Variants in HPSE2 observed in about 807,000 individuals in gnomAD.
HPSE2 encodes heparanase 2 (inactive).
In HPSE2, 38 loss-of-function variants were observed where a neutral mutation model predicts 60.5. The ratio of observed to expected loss-of-function variants is 0.63; its 90% CI spans 0.48 to 0.82. HPSE2 has a LOEUF of 0.82. Among genes scored for constraint, HPSE2 ranks in the 40% least tolerant of loss-of-function variants. The pLI, the probability that HPSE2 is intolerant of heterozygous loss-of-function variation, is 0.00. For synonymous variants in HPSE2, 295 were observed against 293.2 expected (o/e 1.01, Z -0.06); for missense variants, 713 against 740.4 (o/e 0.96, Z 0.43).
At chr10:99,053,123 A>C (rs1958028297) in intron 3 of HPSE2, among the ~76,000 whole-genome samples, 1 of 151,924 alleles carries the variant, frequency 6.6e-6, no homozygotes, top group African/African-American at 2.4e-5. Flanking sequence ...TTTATAATTT[A>C]TTTTTACCAC....
At chr10:98,516,460 G>A (rs540145025) in intron 9 of HPSE2, among the ~76,000 whole-genome samples, 1 of 152,174 alleles carries the variant, frequency 6.6e-6, no homozygotes, top group Non-Finnish European at 1.5e-5. Flanking sequence ...AAAAGTGCCT[G>A]ATGAAATGGG....
the HPSE2 span, among the ~76,000 whole-genome samples, chr10:99,268,551 C>A: frequency 6.7e-6 from 1 of 149,812 alleles, no homozygotes; most frequent in Non-Finnish European, 1.5e-5. Flanking sequence ...GAGGCTGAGG[C>A]AGAAGAATCA....
the HPSE2 span, among the ~76,000 whole-genome samples, chr10:99,305,979 G>GCGCGCGCGCACA: frequency 2.1e-4 from 17 of 80,582 alleles, no homozygotes; most frequent in South Asian, 5.8e-4. Flanking sequence ...GCGCGCGCGC[G>GCGCGCGCGCACA]CACACACACA....
chr10:99,158,369 A>C (rs1184033182), intron 2 of HPSE2, among the ~76,000 whole-genome samples: 2 of 108,006 alleles, frequency 1.9e-5, no homozygotes, highest in East Asian at 5.6e-4. Flanking sequence ...TCCAACAATG[A>C]TAGACTGGAT....
intron 11 of HPSE2, among the ~76,000 whole-genome samples, chr10:98,465,267 G>T (rs972634559): frequency 1.3e-5 from 2 of 152,120 alleles, no homozygotes; most frequent in African/African-American, 2.4e-5. Flanking sequence ...TATGCAAAAG[G>T]CACTATGCTA....
chr10:98,541,623 C>A (rs1187617118), intron 9 of HPSE2, among the ~76,000 whole-genome samples: 2 of 152,168 alleles, frequency 1.3e-5, no homozygotes, highest in Admixed American at 6.5e-5. Flanking sequence ...CCGAATACTG[C>A]GCTTTTCTGA....
chr10:98,740,254 C>T (rs1949464705), intron 4 of HPSE2, among the ~76,000 whole-genome samples: 1 of 151,192 alleles, frequency 6.6e-6, no homozygotes, highest in African/African-American at 2.4e-5. Flanking sequence ...TGGCTCACTG[C>T]AGCCTCAACC....
At position 98,724,539 on chromosome 10, in the gene HPSE2, T is replaced by C. The variant is rs575181131; in HGVS notation, c.785-2711A>G. Among the ~76,000 whole-genome samples the C allele has an allele frequency of 1.4e-4, 21 of 152,278 alleles. No individual in the cohort carries two copies. The South Asian group carries it at 3.9e-3, about 29-fold the overall frequency. Reference sequence around the variant, plus strand: ...TATCCTTGTTAACTTTCTGTCTTCGTTGATCTGTCTAATGTTGACAGTGGG... The same window carrying C: ...TATCCTTGTTAACTTTCTGTCTTCGCTGATCTGTCTAATGTTGACAGTGGG... On this transcript the variant is annotated intron_variant, in intron 4 of 11. Coordinates refer to ENST00000370552, the MANE Select transcript of HPSE2 (RefSeq NM_021828.5).
chr10:99,183,964 C>T (rs1014803578), intron 2 of HPSE2, among the ~76,000 whole-genome samples: 5 of 152,156 alleles, frequency 3.3e-5, no homozygotes, highest in African/African-American at 4.8e-5. Flanking sequence ...TTTTTTACCA[C>T]TCTAACAAAT....
At chr10:98,898,123 T>C (rs1953549181) in intron 3 of HPSE2, among the ~76,000 whole-genome samples, 1 of 152,064 alleles carries the variant, frequency 6.6e-6, no homozygotes, top group South Asian at 2.1e-4. Context: ...CATTAAGGTA[T>C]TGCAAATCAA....
intron 3 of HPSE2, among the ~76,000 whole-genome samples, chr10:98,788,568 C>T (rs945091720): frequency 6.6e-6 from 1 of 151,972 alleles, no homozygotes; most frequent in African/African-American, 2.4e-5. Flanking sequence ...GCAGTTTGAT[C>T]TCAGACTGCT....
chr10:99,027,442 C>T (rs908938522), intron 3 of HPSE2, among the ~76,000 whole-genome samples: 45 of 152,142 alleles, frequency 3.0e-4, no homozygotes, highest in African/African-American at 1.0e-3. Flanking sequence ...AGACCAACAA[C>T]AAATAACAAG....
chr10:98,712,983 A>G (rs538531735), intron 5 of HPSE2, among the ~76,000 whole-genome samples: 3 of 152,246 alleles, frequency 2.0e-5, no homozygotes, highest in Admixed American at 2.0e-4. Context: ...ATAAATATAT[A>G]GTTAGAAAGT....
chr10:98,549,055 A>G (rs1218368981), intron 9 of HPSE2, among the ~76,000 whole-genome samples: 1 of 152,190 alleles, frequency 6.6e-6, no homozygotes, highest in Non-Finnish European at 1.5e-5. Context: ...AATATCCTAA[A>G]GTACTCACGT....
chr10:98,925,862 C>T (rs1355762085), intron 3 of HPSE2, among the ~76,000 whole-genome samples: 1 of 152,092 alleles, frequency 6.6e-6, no homozygotes, highest in Non-Finnish European at 1.5e-5. Flanking sequence ...AGGTTTCCAG[C>T]TTCTTCAGCG....
intron 2 of HPSE2, among the ~76,000 whole-genome samples, chr10:99,223,475 G>C (rs1411056679): frequency 6.6e-6 from 1 of 151,982 alleles, no homozygotes; most frequent in African/African-American, 2.4e-5. Flanking sequence ...TGAAAATAAG[G>C]TACTGGTTTA....
At chr10:99,301,993 C>T in the HPSE2 span, among the ~76,000 whole-genome samples, 3 of 151,872 alleles carry the variant, frequency 2.0e-5, no homozygotes, top group Non-Finnish European at 4.4e-5. Context: ...GTGGAAACCA[C>T]GGAATAGATC....
At chr10:98,580,706 T>C (rs980150292) in intron 9 of HPSE2, among the ~76,000 whole-genome samples, 1 of 151,908 alleles carries the variant, frequency 6.6e-6, no homozygotes, top group Non-Finnish European at 1.5e-5. Flanking sequence ...TGAATGCTCA[T>C]GGCTATTAGG....
chr10:99,038,927 G>T (rs2135469200), intron 3 of HPSE2, among the ~76,000 whole-genome samples: 1 of 152,240 alleles, frequency 6.6e-6, no homozygotes, highest in East Asian at 1.9e-4. Flanking sequence ...GAGTTGAAAA[G>T]AAATCAACTA....
Sources: allele counts gnomAD v4.1 joint callset (sites outside exome capture counted in the v4.1 genomes callset), GRCh38; gene constraint gnomAD v4.1.1; transcripts MANE v1.5; gene names NCBI Gene and HGNC (gene_info 2026-07-23, HGNC 2026-07-21).